FAM78A: variants seen among roughly 807,000 people sequenced by gnomAD.
The protein encoded by FAM78A is protein FAM78A.
Under a neutral mutation model 22.6 loss-of-function variants are expected in FAM78A, and 12 were observed. The ratio of observed to expected loss-of-function variants is 0.53; its 90% CI spans 0.34 to 0.86. The LOEUF (loss-of-function observed/expected upper bound fraction) is 0.86. Among genes scored for constraint, FAM78A ranks in the 40% least tolerant of loss-of-function variants. FAM78A has a pLI of 0.02. For synonymous variants in FAM78A, 151 were observed against 155.8 expected (o/e 0.97, Z 0.23); for missense variants, 322 against 396.1 (o/e 0.81, Z 1.59).
chr9:131,268,567 G>C (rs1412660325), intron 1 of FAM78A, among the ~76,000 whole-genome samples: 1 of 152,220 alleles, frequency 6.6e-6, no homozygotes, highest in East Asian at 1.9e-4. Flanking sequence ...ATCTCACAAG[G>C]GGAGGAAAGA....
At chr9:131,267,737 C>A (rs972021875) in intron 1 of FAM78A, among the ~76,000 whole-genome samples, 4 of 152,150 alleles carry the variant, frequency 2.6e-5, no homozygotes, top group Admixed American at 2.6e-4. Flanking sequence ...TAAGAAACAC[C>A]TTTACAGATA....
Position 131,269,736 on chromosome 9 carries a change from C to T in FAM78A, c.323+6121G>A, listed in dbSNP as rs369968350. On this transcript the variant is annotated intron_variant, in intron 1 of 1. Transcript: ENST00000372271. ...AGATGATCCACCTGCCTCAGCCTCC[C>T]AAAATGCTGGGATTATAGGCGTGAG... Among the ~76,000 whole-genome samples the T allele has an allele frequency of 1.4e-3, 219 of 152,224 alleles. 1 individual carries two copies. The highest frequency in any genetic ancestry group is 3.4e-3 in the Middle Eastern group (1 of 294).
At chr9:131,264,687 T>C in intron 1 of FAM78A, 1 of 703,596 alleles carries the variant, frequency 1.4e-6, no homozygotes, top group Non-Finnish European at 2.6e-6. Context: ...AGCCCTGATT[T>C]GACCCAAAGC....
chr9:131,264,729 T>TC (rs35869614), intron 1 of FAM78A: 8,336 of 586,190 alleles, frequency 0.014, 33 homozygotes, highest in Non-Finnish European at 0.019. Context: ...TTCTGACCTT[T>TC]TTTTTTTTTT....
At chr9:131,277,657 C>T (rs1418595823), upstream of FAM78A, among the ~76,000 whole-genome samples, 2 of 151,558 alleles carry the variant, frequency 1.3e-5, no homozygotes, top group African/African-American at 4.8e-5. This position sits in a 1 kb window ranked among gnomAD's most constrained non-coding sequence, Gnocchi z 8.4. Context: ...GGCACTGTCC[C>T]TTGGCTCTAC....
upstream of FAM78A, among the ~76,000 whole-genome samples, chr9:131,280,033 C>A (rs1835527069): frequency 6.6e-6 from 1 of 152,200 alleles, no homozygotes; most frequent in African/African-American, 2.4e-5. Context: ...TGAGGACTTG[C>A]AAAGTAGAAG....
rs1308878177 is a variant in FAM78A, at chr9:131,259,112, T to C, written c.*1710A>G. ...GCTCATCTGCAGCAGAAATGGATTA[T>C]TTTTCTAAATGGACGGTTTTCTGTG... On this transcript the variant is annotated 3_prime_UTR_variant, in exon 2 of 2. Coordinates refer to ENST00000372271, the MANE Select transcript of FAM78A (RefSeq NM_033387.4). 1 of 152,696 alleles carries C rather than the reference T, an allele frequency of 6.5e-6. No individual in the cohort carries two copies. The highest frequency in any genetic ancestry group is 1.5e-5 in the Non-Finnish European group (1 of 68,062). 9.5% of individuals were successfully genotyped at this position (152,696 alleles called of 1,614,324 possible).
intron 1 of FAM78A, among the ~76,000 whole-genome samples, chr9:131,269,393 A>G (rs1835388682): frequency 6.6e-6 from 1 of 152,176 alleles, no homozygotes; most frequent in South Asian, 2.1e-4. Context: ...CAGGCAGAGC[A>G]TAATTTCACT....
Position 131,276,248 on chromosome 9 carries a change from T to C in FAM78A, c.-69A>G. The C allele has an allele frequency of 7.5e-7, 1 of 1,339,042 alleles. No homozygotes were observed. The highest frequency in any genetic ancestry group is 1.0e-6 in the Non-Finnish European group (1 of 965,830). The allele number at this position is 1,339,042 out of a possible 1,614,324, so 82.9% of individuals were successfully genotyped here. A position where few individuals can be genotyped will look rare whatever the true frequency, so the allele number is the denominator to read the frequency against. On this transcript the variant is annotated 5_prime_UTR_variant, in exon 1 of 2. In the 5' UTR this introduces an upstream ATG that the reference lacks. Transcript: ENST00000372271. This position sits in a 1 kb window ranked among gnomAD's most constrained non-coding sequence, Gnocchi z 4.3. ...CTCCAATCTCAACTCTCAAGACCGA[T>C]ATCCATAGGATAGAAAACTCACTGA...
chr9:131,278,276 G>A (rs1295947050), upstream of FAM78A, among the ~76,000 whole-genome samples: 2 of 152,158 alleles, frequency 1.3e-5, no homozygotes, highest in Non-Finnish European at 2.9e-5. Context: ...TCGGGGCCAG[G>A]TGGGCTGCTC....
intron 1 of FAM78A, among the ~76,000 whole-genome samples, chr9:131,270,760 G>A (rs2131188909): frequency 6.6e-6 from 1 of 152,306 alleles, no homozygotes; most frequent in Middle Eastern, 3.4e-3. Flanking sequence ...GGTCAACAGG[G>A]ACATTCCTCC....
In FAM78A at chr9:131,268,710, G is replaced by A. The variant is rs137917484; in HGVS notation, c.323+7147C>T. ...GGTCAGGAGATCGAGACAGAGACGGGTGAAACCCCGTCTCTACTAAAAATA... is the reference window on the plus strand; with the variant it reads ...GGTCAGGAGATCGAGACAGAGACGGATGAAACCCCGTCTCTACTAAAAATA... On this transcript the variant is annotated intron_variant, in intron 1 of 1. Transcript: ENST00000372271. Among the ~76,000 whole-genome samples the A allele has an allele frequency of 7.6e-3, 1,151 of 152,084 alleles. 15 individuals are homozygous for A. Among genetic ancestry groups the A allele is most frequent in the African/African-American group, 0.026 (1,090 of 41,484 alleles).
chr9:131,278,138 G>A (rs373537824), upstream of FAM78A, among the ~76,000 whole-genome samples: 5 of 151,394 alleles, frequency 3.3e-5, no homozygotes, highest in African/African-American at 1.2e-4. Flanking sequence ...CCTCCCCCTG[G>A]TAATCCCTCG....
chr9:131,262,923 A>G (rs1835292878), intron 1 of FAM78A, among the ~76,000 whole-genome samples: 1 of 151,566 alleles, frequency 6.6e-6, no homozygotes, highest in Non-Finnish European at 1.5e-5. Flanking sequence ...TTTCTTGGGG[A>G]CGAAGTTTCA....
At chr9:131,262,039 C>T (rs1022865106) in intron 1 of FAM78A, among the ~76,000 whole-genome samples, 16 of 151,764 alleles carry the variant, frequency 1.1e-4, no homozygotes, top group Admixed American at 3.3e-4. Flanking sequence ...CCAGCCTGGC[C>T]AACATGGTGA....
chr9:131,264,562 G>A (rs1835318319), intron 1 of FAM78A: 2 of 716,558 alleles, frequency 2.8e-6, no homozygotes, highest in East Asian at 5.4e-5. Context: ...TTTTTGTGAT[G>A]ATTAAATGTA....
In FAM78A at chr9:131,260,882, G is replaced by C; in HGVS notation, c.792C>G (p.Val264=). Reference sequence around the variant, plus strand: ...GCCCGTACTTGGGCCGCCACATGAGGACCTGGGCATCGTTGGCATTGGGCT... The same window carrying C: ...GCCCGTACTTGGGCCGCCACATGAGCACCTGGGCATCGTTGGCATTGGGCT... The part of the protein sequence containing the change: ...LVKPNANDAQ[V]LMWRPKYGQP... Residue 264 remains valine (V), a synonymous_variant, in exon 2 of 2, where the codon GTC becomes GTG. Coordinates refer to ENST00000372271, the MANE Select transcript of FAM78A (RefSeq NM_033387.4). The surrounding 1 kb of genome is among the most constrained non-coding windows in gnomAD (Gnocchi z 5.4). 1 of 1,545,780 alleles carries C rather than the reference G, an allele frequency of 6.5e-7. No individual in the cohort carries two copies. Among genetic ancestry groups the C allele is most frequent in the Non-Finnish European group, 8.7e-7 (1 of 1,144,088 alleles).
In FAM78A at chr9:131,261,588, T is replaced by C. The variant is rs1835270912; in HGVS notation, c.324-238A>G. Reference sequence around the variant, plus strand: ...AGAAGGTGGCCGGCCTGGCCCAAGTTGCTCTAGGGACATACAGATCCCACA... The same window carrying C: ...AGAAGGTGGCCGGCCTGGCCCAAGTCGCTCTAGGGACATACAGATCCCACA... On this transcript the variant is annotated intron_variant, in intron 1 of 1. Transcript: ENST00000372271. This position sits in a 1 kb window ranked among gnomAD's most constrained non-coding sequence, Gnocchi z 7.1. 2.6e-5 allele frequency among the ~76,000 whole-genome samples: 4 copies of C among 152,054 alleles called. No individual in the cohort carries two copies. The South Asian group carries it at 8.3e-4, about 31-fold the overall frequency.
chr9:131,273,102 G>A (rs767103291), intron 1 of FAM78A, among the ~76,000 whole-genome samples: 3 of 152,116 alleles, frequency 2.0e-5, no homozygotes, highest in Non-Finnish European at 4.4e-5. Context: ...TTGGTAACTC[G>A]GCCCCTTAGG....
Sources: gnomAD v4.1 joint callset for allele counts (sites outside exome capture counted in the v4.1 genomes callset) on GRCh38, gnomAD v4.1.1 for gene constraint, Gnocchi (gnomAD v3.1) non-coding constraint, MANE v1.5 for transcripts, NCBI Gene and HGNC (gene_info 2026-07-23, HGNC 2026-07-21) for gene names.